The following DGKI variants were observed in gnomAD, a reference collection of about 807,000 sequenced individuals.
The protein encoded by DGKI is DAG kinase iota.
A neutral mutation model predicts 147.5 loss-of-function variants in DGKI; 55 were observed. The observed-to-expected ratio is 0.37, with a 90% CI of 0.30 to 0.47. The LOEUF is 0.47. DGKI is among the 20% of genes least tolerant of loss of function. DGKI has a pLI of 1.00. For missense variants in DGKI, 1,007 were observed against 1,323.8 expected, an observed-to-expected ratio of 0.76 and a Z score of 3.71; for synonymous variants, 469 against 477.1, an observed-to-expected ratio of 0.98 and a Z score of 0.22.
intron 19 of DGKI, among the ~76,000 whole-genome samples, chr7:137,555,844 A>G (rs560408362): frequency 3.9e-5 from 6 of 152,318 alleles, no homozygotes; most frequent in Admixed American, 6.5e-5. Context: ...GACAGTGTCT[A>G]TTTAGTACAA....
At chr7:137,531,497 T>C (rs1417388417) in intron 20 of DGKI, among the ~76,000 whole-genome samples, 2 of 152,132 alleles carry the variant, frequency 1.3e-5, no homozygotes, top group East Asian at 3.9e-4. Context: ...ATCACTATAC[T>C]TAGTGGAGCA....
chr7:137,431,404 C>G (rs934228889), intron 28 of DGKI, among the ~76,000 whole-genome samples: 1 of 152,134 alleles, frequency 6.6e-6, no homozygotes, highest in Non-Finnish European at 1.5e-5. Context: ...AGGAGAAAAG[C>G]TGGAACCTGC....
intron 1 of DGKI, among the ~76,000 whole-genome samples, chr7:137,749,072 T>C (rs1472861432): frequency 1.3e-5 from 2 of 152,220 alleles, no homozygotes; most frequent in Non-Finnish European, 2.9e-5. Flanking sequence ...CAACAGAATA[T>C]ACTATTCACA....
intron 21 of DGKI, among the ~76,000 whole-genome samples, chr7:137,515,385 T>C (rs1734689752): frequency 6.6e-6 from 1 of 152,138 alleles, no homozygotes; most frequent in Admixed American, 6.6e-5. Context: ...CTTGAAATAG[T>C]ACTAGAAATA....
intron 10 of DGKI, among the ~76,000 whole-genome samples, chr7:137,607,820 C>T (rs1355795327): frequency 2.6e-5 from 4 of 152,128 alleles, no homozygotes; most frequent in Non-Finnish European, 5.9e-5. Context: ...CATCATTACT[C>T]CATAAAGATC....
intron 1 of DGKI, among the ~76,000 whole-genome samples, chr7:137,724,346 C>T (rs546550026): frequency 1.1e-4 from 17 of 152,144 alleles, no homozygotes; most frequent in Non-Finnish European, 1.6e-4. Flanking sequence ...ATGATATGAA[C>T]ATCTTTATGT....
chr7:137,832,590 AT>A (rs1013231845), intron 1 of DGKI, among the ~76,000 whole-genome samples: 9 of 152,066 alleles, frequency 5.9e-5, no homozygotes, highest in Non-Finnish European at 8.8e-5. Context: ...CCATGAAACC[AT>A]TTTTTCCTCC....
Position 137,620,016 on chromosome 7 carries a change from C to T in DGKI, c.877-76G>A, listed in dbSNP as rs1585294003. 1.9e-5 allele frequency: 14 copies of T among 745,532 alleles called. No homozygotes were observed. The East Asian group carries it at 3.1e-4, about 17-fold the overall frequency. 46.2% of individuals were successfully genotyped at this position (745,532 alleles called of 1,614,324 possible). ...CAGCAAGAAGGGATAAATATGTACA[C>T]ACGCACACACACACACACACACACA... On this transcript the variant is annotated intron_variant, in intron 7 of 32. Transcript: ENST00000614521.
chr7:137,650,942 T>C (rs1290934716), intron 5 of DGKI, among the ~76,000 whole-genome samples: 1 of 152,168 alleles, frequency 6.6e-6, no homozygotes, highest in African/African-American at 2.4e-5. Context: ...TCTTGGTATA[T>C]GCCTCATAAA....
chr7:137,721,100 T>C (rs896871832), intron 1 of DGKI, among the ~76,000 whole-genome samples: 1 of 152,246 alleles, frequency 6.6e-6, no homozygotes, highest in East Asian at 1.9e-4. Flanking sequence ...TGCTGTATTA[T>C]ATCCCATGGT....
At position 137,424,595 on chromosome 7, in the gene DGKI, C is replaced by T. The variant is rs559723462; in HGVS notation, c.2762-12388G>A. 3.3e-5 allele frequency among the ~76,000 whole-genome samples: 5 copies of T among 152,270 alleles called. No individual in the cohort carries two copies. In the South Asian group the frequency reaches 1.0e-3, roughly 32 times the overall value. ...CAAAGCAGGGTGAGGCATTGCCTCA[C>T]TTGGGAAGCACAAGGGGTCAGGGAG... On this transcript the variant is annotated intron_variant, in intron 28 of 32. Transcript: ENST00000614521.
intron 1 of DGKI, among the ~76,000 whole-genome samples, chr7:137,796,277 C>CACCTG (rs1268149417): frequency 6.6e-6 from 1 of 152,124 alleles, no homozygotes; most frequent in Non-Finnish European, 1.5e-5. Flanking sequence ...GCGGGTGGGT[C>CACCTG]ACCTGAGGTC....
chr7:137,436,969 C>T (rs76415978), intron 28 of DGKI, among the ~76,000 whole-genome samples: 15 of 152,114 alleles, frequency 9.9e-5, no homozygotes, highest in South Asian at 8.3e-4. Context: ...CAAATTAGAG[C>T]GAAGGAAAAG....
intron 30 of DGKI, among the ~76,000 whole-genome samples, chr7:137,400,117 T>C (rs1585077189): frequency 6.6e-6 from 1 of 152,176 alleles, no homozygotes. Flanking sequence ...CCCACTTACA[T>C]GTGAAGACAC....
intron 1 of DGKI, among the ~76,000 whole-genome samples, chr7:137,735,593 T>G (rs974208153): frequency 2.0e-5 from 3 of 152,066 alleles, no homozygotes; most frequent in African/African-American, 7.2e-5. Flanking sequence ...AAGGGTACCA[T>G]CTTAGATTTT....
At chr7:137,505,242 G>A (rs1395535191) in intron 21 of DGKI, among the ~76,000 whole-genome samples, 3 of 152,138 alleles carry the variant, frequency 2.0e-5, no homozygotes, top group Non-Finnish European at 4.4e-5. Flanking sequence ...CAGGACAGAA[G>A]GAAGCTGGTT....
At chr7:137,774,860 C>G (rs911095584) in intron 1 of DGKI, 3 of 152,036 alleles carry the variant, frequency 2.0e-5, no homozygotes, top group African/African-American at 7.2e-5. Context: ...TAAAGGAGAA[C>G]GAGAAAGACA....
At chr7:137,671,357 C>A (rs896942911) in intron 3 of DGKI, among the ~76,000 whole-genome samples, 1 of 152,180 alleles carries the variant, frequency 6.6e-6, no homozygotes, top group South Asian at 2.1e-4. Context: ...TGTCCGCAGT[C>A]ATGACTTGGT....
At chr7:137,517,692 C>T (rs548995946) in intron 21 of DGKI, among the ~76,000 whole-genome samples, 1 of 152,078 alleles carries the variant, frequency 6.6e-6, no homozygotes, top group South Asian at 2.1e-4. Context: ...AAAATTATTC[C>T]AAAATAAAAA....
Sources: gnomAD v4.1 joint callset for allele counts (sites outside exome capture counted in the v4.1 genomes callset) on GRCh38, gnomAD v4.1.1 for gene constraint, MANE v1.5 for transcripts, NCBI Gene and HGNC (gene_info 2026-07-23, HGNC 2026-07-21) for gene names.